Variants in KCNJ3 observed in about 807,000 individuals in gnomAD.
The protein encoded by KCNJ3 is potassium inwardly rectifying channel subfamily J member 3.
KCNJ3 carries 4 observed loss-of-function variants against 39.2 expected under a neutral mutation model. The observed-to-expected ratio is 0.10, with a 90% confidence interval of 0.05 to 0.23. KCNJ3 has a LOEUF of 0.23. KCNJ3 is among the 10% of genes least tolerant of loss of function. KCNJ3 has a pLI of 1.00. For missense variants in KCNJ3, 276 were observed against 634.9 expected (o/e 0.43, Z 6.08); for synonymous variants, 230 against 237.4 (o/e 0.97, Z 0.29).
chr2:154,759,108 A>G (rs935159159), intron 2 of KCNJ3, among the ~76,000 whole-genome samples: 3 of 152,188 alleles, frequency 2.0e-5, no homozygotes, highest in Non-Finnish European at 4.4e-5. Flanking sequence ...CTTCTATTAA[A>G]TGCCCATTTA....
Position 154,855,262 on chromosome 2 carries a change from A to G in KCNJ3, c.1455A>G (p.Glu485=). Reference sequence around the variant, plus strand: ...TGGCTGGAGGAGCAGCTAGGATGGAAGGGAACCTTCCAGCCAAATTAAGAA... The same window carrying G: ...TGGCTGGAGGAGCAGCTAGGATGGAGGGGAACCTTCCAGCCAAATTAAGAA... ...QKMAGGAARM[E]GNLPAKLRKM... The change falls in exon 3 of 3, where the codon GAA becomes GAG. Residue 485 remains glutamate, a synonymous_variant. Coordinates refer to ENST00000295101, the MANE Select transcript of KCNJ3 (RefSeq NM_002239.4). 1.2e-6 allele frequency: 2 copies of G among 1,612,908 alleles called. No homozygotes were observed. Among genetic ancestry groups the G allele is most frequent in the South Asian group, 1.1e-5 (1 of 91,022 alleles).
intron 2 of KCNJ3, among the ~76,000 whole-genome samples, chr2:154,713,919 C>G (rs758690461): frequency 2.6e-5 from 4 of 152,210 alleles, no homozygotes; most frequent in Non-Finnish European, 4.4e-5. Flanking sequence ...GACCTTTTCT[C>G]TCTTTCTACA....
At chr2:154,768,021 T>C (rs1374203520) in intron 2 of KCNJ3, among the ~76,000 whole-genome samples, 1 of 152,232 alleles carries the variant, frequency 6.6e-6, no homozygotes, top group African/African-American at 2.4e-5. Flanking sequence ...TCACCCACTT[T>C]TTGATGGGGT....
intron 2 of KCNJ3, among the ~76,000 whole-genome samples, chr2:154,731,199 G>A (rs1214984492): frequency 1.3e-5 from 2 of 152,026 alleles, no homozygotes. Flanking sequence ...TATGATTTGG[G>A]TAACATTACC....
At chr2:154,829,808 C>A (rs1191605098) in intron 2 of KCNJ3, among the ~76,000 whole-genome samples, 1 of 151,996 alleles carries the variant, frequency 6.6e-6, no homozygotes, top group Non-Finnish European at 1.5e-5. Flanking sequence ...TTCTTATTAT[C>A]AATTAATAAT....
intron 2 of KCNJ3, among the ~76,000 whole-genome samples, chr2:154,801,545 C>CT (rs1180900399): frequency 7.3e-6 from 1 of 137,474 alleles, no homozygotes; most frequent in African/African-American, 2.7e-5. Context: ...TTCTTTCTTT[C>CT]TTTCTTTTCT....
intron 2 of KCNJ3, among the ~76,000 whole-genome samples, chr2:154,783,817 G>T (rs1574461160): frequency 6.6e-6 from 1 of 152,192 alleles, no homozygotes; most frequent in East Asian, 1.9e-4. Context: ...CATTATTCTG[G>T]TTTTTTAAAA....
intron 2 of KCNJ3, among the ~76,000 whole-genome samples, chr2:154,816,577 C>T (rs1310093964): frequency 2.0e-5 from 3 of 152,018 alleles, no homozygotes. Flanking sequence ...GACAACTGGC[C>T]ATAATAAAAG....
chr2:154,699,584 G>A lies in KCNJ3; in HGVS notation c.702+107G>A. The A allele has an allele frequency of 6.9e-7, 1 of 1,453,040 alleles. No individual in the cohort carries two copies. Among genetic ancestry groups the A allele is most frequent in the Non-Finnish European group, 9.0e-7 (1 of 1,105,862 alleles). 90.0% of individuals were successfully genotyped at this position (1,453,040 alleles called of 1,614,324 possible). A position where few individuals can be genotyped will look rare whatever the true frequency, so the allele number is the denominator to read the frequency against. ...GCCCCCTCCCCTGGTTCTACCTATAGCCACAGGTAAACTTCCTTTTGGGGG... is the reference window on the plus strand; with the variant it reads ...GCCCCCTCCCCTGGTTCTACCTATAACCACAGGTAAACTTCCTTTTGGGGG... On this transcript the variant is annotated intron_variant, in intron 1 of 2. Transcript: ENST00000295101. This position sits in a 1 kb window ranked among gnomAD's most constrained non-coding sequence, Gnocchi z 6.4.
chr2:154,846,727 TCTTC>T (rs890735415), intron 2 of KCNJ3, among the ~76,000 whole-genome samples: 2 of 152,180 alleles, frequency 1.3e-5, no homozygotes, highest in Non-Finnish European at 2.9e-5. Context: ...TCTGCACTTA[TCTTC>T]CTTTTTGAAC....
chr2:154,732,994 C>G (rs577784595), intron 2 of KCNJ3, among the ~76,000 whole-genome samples: 1 of 152,210 alleles, frequency 6.6e-6, no homozygotes, highest in African/African-American at 2.4e-5. Flanking sequence ...AAAAAGCAAA[C>G]TAATGAAAAC....
intron 2 of KCNJ3, among the ~76,000 whole-genome samples, chr2:154,793,570 A>G (rs571007556): frequency 1.3e-5 from 2 of 152,148 alleles, no homozygotes; most frequent in East Asian, 3.9e-4. Context: ...TCAATTCTTC[A>G]AAAAATATTC....
intron 2 of KCNJ3, among the ~76,000 whole-genome samples, chr2:154,757,950 A>G (rs1025617084): frequency 2.6e-5 from 4 of 152,178 alleles, no homozygotes; most frequent in Non-Finnish European, 5.9e-5. Flanking sequence ...TTGTGTTTTA[A>G]TATATGAATT....
chr2:154,724,161 G>A (rs887274514), intron 2 of KCNJ3, among the ~76,000 whole-genome samples: 4 of 152,014 alleles, frequency 2.6e-5, no homozygotes, highest in African/African-American at 9.7e-5. Context: ...AAGATAAAAT[G>A]GTGAATGTTA....
intron 2 of KCNJ3, among the ~76,000 whole-genome samples, chr2:154,788,769 G>GTTT (rs376883606): frequency 6.8e-6 from 1 of 146,406 alleles, no homozygotes; most frequent in Non-Finnish European, 1.5e-5. Flanking sequence ...GTGAGTGTGA[G>GTTT]TTGTTTTTTT....
chr2:154,745,056 T>C (rs1409615966), intron 2 of KCNJ3, among the ~76,000 whole-genome samples: 1 of 152,006 alleles, frequency 6.6e-6, no homozygotes, highest in Non-Finnish European at 1.5e-5. Context: ...GTCTCTGGTT[T>C]CTAGTTTGAT....
chr2:154,838,100 G>A (rs1019364054), intron 2 of KCNJ3, among the ~76,000 whole-genome samples: 1 of 152,144 alleles, frequency 6.6e-6, no homozygotes, highest in African/African-American at 2.4e-5. Context: ...ATGCATGTTT[G>A]TGTGTGTGAC....
chr2:154,760,433 T>C (rs1302163568), intron 2 of KCNJ3, among the ~76,000 whole-genome samples: 1 of 152,172 alleles, frequency 6.6e-6, no homozygotes, highest in Non-Finnish European at 1.5e-5. Flanking sequence ...CTTCAGTTTA[T>C]TATTAAATTT....
At chr2:154,801,518 TTTCTTTCC>T (rs1426913978) in intron 2 of KCNJ3, among the ~76,000 whole-genome samples, 60 of 151,762 alleles carry the variant, frequency 4.0e-4, no homozygotes, top group South Asian at 2.7e-3. Context: ...TTTTCTTTTC[TTTCTTTCC>T]TTCTTTCCTT....
Sources: gnomAD v4.1 joint callset for allele counts (sites outside exome capture counted in the v4.1 genomes callset) on GRCh38, gnomAD v4.1.1 for gene constraint, Gnocchi (gnomAD v3.1) non-coding constraint, MANE v1.5 for transcripts, NCBI Gene and HGNC (gene_info 2026-07-23, HGNC 2026-07-21) for gene names.